LDLRAD3: variants seen among roughly 807,000 people sequenced by gnomAD.
LDLRAD3 encodes the protein low-density lipoprotein receptor class A domain-containing protein 3.
LDLRAD3 carries 20 observed loss-of-function variants against 29.4 expected under a neutral mutation model. That is an observed-to-expected ratio of 0.68 (90% CI 0.48 to 0.99). LDLRAD3 has a LOEUF of 0.99. Among genes scored for constraint, LDLRAD3 ranks in the 50% least tolerant of loss-of-function variants. LDLRAD3 has a pLI of 0.00. For synonymous variants in LDLRAD3, 157 were observed against 192.7 expected (o/e 0.81, Z 1.53); for missense variants, 420 against 454.3 (o/e 0.92, Z 0.69).
intron 4 of LDLRAD3, among the ~76,000 whole-genome samples, chr11:36,205,283 C>T (rs1466780683): frequency 6.6e-6 from 1 of 152,192 alleles, no homozygotes; most frequent in African/African-American, 2.4e-5. Context: ...CCCAAGGCAG[C>T]TTACAGCTTT....
intron 2 of LDLRAD3, among the ~76,000 whole-genome samples, chr11:36,070,731 T>G (rs1178260121): frequency 2.0e-5 from 3 of 152,158 alleles, no homozygotes; most frequent in Non-Finnish European, 4.4e-5. Flanking sequence ...GACTCAGGAA[T>G]CTGCATATTC....
chr11:36,169,984 G>C (rs1257441682), intron 4 of LDLRAD3, among the ~76,000 whole-genome samples: 3 of 152,070 alleles, frequency 2.0e-5, no homozygotes, highest in Middle Eastern at 6.8e-3. Flanking sequence ...AATGTACACT[G>C]TACCCAATGT....
At chr11:36,016,221 T>C (rs1478986627) in intron 1 of LDLRAD3, among the ~76,000 whole-genome samples, 2 of 152,236 alleles carry the variant, frequency 1.3e-5, no homozygotes, top group African/African-American at 4.8e-5. Context: ...ACTTGTGTTC[T>C]AAAAGGGAAT....
At chr11:36,025,644 C>T (rs1852155745) in intron 1 of LDLRAD3, among the ~76,000 whole-genome samples, 1 of 151,994 alleles carries the variant, frequency 6.6e-6, no homozygotes, top group African/African-American at 2.4e-5. Flanking sequence ...CCGCCTCGGC[C>T]TCCCAAAGTG....
Position 36,229,488 on chromosome 11 carries a change from C to A in LDLRAD3, c.*91C>A. On this transcript the variant is annotated 3_prime_UTR_variant, in exon 6 of 6. Coordinates refer to ENST00000315571, the MANE Select transcript of LDLRAD3 (RefSeq NM_174902.4). ...TGCTCATGGGAAGCTCTTTAAGCACCTGTAAGGGTGTCTCAAGTTACAGTT... is the reference window on the plus strand; with the variant it reads ...TGCTCATGGGAAGCTCTTTAAGCACATGTAAGGGTGTCTCAAGTTACAGTT... 1.1e-6 allele frequency: 1 copy of A among 884,320 alleles called. No individual in the cohort carries two copies. The highest frequency in any genetic ancestry group is 1.8e-6 in the Non-Finnish European group (1 of 559,054). The allele number at this position is 884,320 out of a possible 1,614,324, so 54.8% of individuals were successfully genotyped here. A position where few individuals can be genotyped will look rare whatever the true frequency, so the allele number is the denominator to read the frequency against.
intron 1 of LDLRAD3, among the ~76,000 whole-genome samples, chr11:36,008,797 C>G (rs1851918772): frequency 6.6e-6 from 1 of 152,180 alleles, no homozygotes; most frequent in Admixed American, 6.5e-5. Context: ...CTGTGCTGTT[C>G]AGGGAAGAAG....
In LDLRAD3 at chr11:36,173,557, A is replaced by G. The variant is rs530603149; in HGVS notation, c.455-53528A>G. Among the ~76,000 whole-genome samples, 5 of 152,032 alleles carry G rather than the reference A, an allele frequency of 3.3e-5. No individual in the cohort carries two copies. In the East Asian group the frequency reaches 9.7e-4, roughly 30 times the overall value. ...CTGCATAGTATTCCATGGTGTATAT[A>G]TGCCACATTTTCTTAATCCAGTCTA... On this transcript the variant is annotated intron_variant, in intron 4 of 5. Transcript: ENST00000315571.
chr11:36,199,585 A>ACACACACACGCACG (rs771281624), intron 4 of LDLRAD3, among the ~76,000 whole-genome samples: 6,696 of 150,334 alleles, frequency 0.045, 244 homozygotes, highest in East Asian at 0.19. Context: ...ACACACACAC[A>ACACACACACGCACG]CACGCACGCA....
At chr11:36,075,201 T>C (rs1363584544) in intron 2 of LDLRAD3, among the ~76,000 whole-genome samples, 2 of 152,178 alleles carry the variant, frequency 1.3e-5, no homozygotes, top group Admixed American at 6.5e-5. Context: ...ACACATGTTG[T>C]CAACAACTTG....
At chr11:36,199,206 C>T (rs1358438624) in intron 4 of LDLRAD3, among the ~76,000 whole-genome samples, 1 of 152,114 alleles carries the variant, frequency 6.6e-6, no homozygotes, top group East Asian at 1.9e-4. Context: ...GGCCACAGCA[C>T]CTTATTTCTT....
chr11:36,056,889 C>G (rs1023986044), intron 2 of LDLRAD3, among the ~76,000 whole-genome samples: 18 of 152,154 alleles, frequency 1.2e-4, no homozygotes, highest in African/African-American at 4.3e-4. Context: ...CAGAGCTTTT[C>G]AAACTTTATA....
intron 1 of LDLRAD3, among the ~76,000 whole-genome samples, chr11:36,000,673 G>A (rs553052184): frequency 2.6e-4 from 40 of 152,248 alleles, no homozygotes; most frequent in Middle Eastern, 6.8e-3. Context: ...TTGTTGGGAG[G>A]AAATATCCTG....
At chr11:36,128,117 C>CATACATATAT (rs1391537319) in intron 4 of LDLRAD3, among the ~76,000 whole-genome samples, 1 of 98,952 alleles carries the variant, frequency 1.0e-5, no homozygotes, top group Non-Finnish European at 2.3e-5. Flanking sequence ...GTTGTTTTTA[C>CATACATATAT]ATATATATAT....
intron 2 of LDLRAD3, among the ~76,000 whole-genome samples, chr11:36,061,629 C>T (rs58020147): frequency 0.017 from 2,538 of 152,250 alleles, 69 homozygotes; most frequent in African/African-American, 0.058. Flanking sequence ...CTGTTTTGGG[C>T]GGCTCTTTTC....
At chr11:36,203,469 G>A (rs1228341323) in intron 4 of LDLRAD3, among the ~76,000 whole-genome samples, 1 of 152,174 alleles carries the variant, frequency 6.6e-6, no homozygotes, top group African/African-American at 2.4e-5. Context: ...TGTGTTGGAT[G>A]TCAGTGCATC....
chr11:36,187,638 A>G (rs1470059014), intron 4 of LDLRAD3, among the ~76,000 whole-genome samples: 1 of 152,128 alleles, frequency 6.6e-6, no homozygotes, highest in Non-Finnish European at 1.5e-5. Context: ...GTTTCATCTG[A>G]CTTATCCCTT....
intron 4 of LDLRAD3, among the ~76,000 whole-genome samples, chr11:36,124,076 C>G (rs1258005102): frequency 6.6e-6 from 1 of 152,212 alleles, no homozygotes; most frequent in African/African-American, 2.4e-5. Context: ...ATGCATTTGC[C>G]TGCATAATTG....
chr11:36,179,291 T>C (rs1161569823), intron 4 of LDLRAD3, among the ~76,000 whole-genome samples: 1 of 151,880 alleles, frequency 6.6e-6, no homozygotes, highest in African/African-American at 2.4e-5. Flanking sequence ...CTGGCTAACA[T>C]GGTGAAACCC....
At chr11:36,143,315 C>T (rs1017032505) in intron 4 of LDLRAD3, among the ~76,000 whole-genome samples, 2 of 152,228 alleles carry the variant, frequency 1.3e-5, no homozygotes, top group Non-Finnish European at 2.9e-5. Context: ...AACCCAAGGC[C>T]TGGCGTCCTC....
Sources: gnomAD v4.1 joint callset for allele counts (sites outside exome capture counted in the v4.1 genomes callset) on GRCh38, gnomAD v4.1.1 for gene constraint, MANE v1.5 for transcripts, NCBI Gene and HGNC (gene_info 2026-07-23, HGNC 2026-07-21) for gene names.